POLR1E: variants seen among roughly 807,000 people sequenced by gnomAD.
POLR1E encodes the protein DNA-directed RNA polymerase I subunit RPA49.
POLR1E carries 37 observed loss-of-function variants against 50.9 expected under a neutral mutation model. The ratio of observed to expected loss-of-function variants is 0.73; its 90% confidence interval spans 0.56 to 0.96. The LOEUF is 0.96. Among genes scored for constraint, POLR1E ranks in the 40% least tolerant of loss-of-function variants. The probability of loss-of-function intolerance (pLI) is 0.00; values close to 1 mark genes in which losing one functional copy is unlikely to be tolerated. For synonymous variants in POLR1E, 166 were observed against 191.6 expected (o/e 0.87, Z 1.10); for missense variants, 426 against 518.1 (o/e 0.82, Z 1.73).
chr9:37,499,426 A>G (rs1006468426), intron 9 of POLR1E, among the ~76,000 whole-genome samples: 5 of 152,194 alleles, frequency 3.3e-5, no homozygotes, highest in African/African-American at 1.2e-4. Context: ...AAAAAATCTT[A>G]TGGGACCACT....
At chr9:37,488,076 A>G (rs1820610769) in intron 3 of POLR1E, 137 bp downstream of exon 3, 2 of 780,550 alleles carry the variant, frequency 2.6e-6, no homozygotes, top group East Asian at 5.3e-5. Flanking sequence ...CTGTGTTCCT[A>G]TTAGACCCAG....
Position 37,498,141 on chromosome 9 carries a change from A to G in POLR1E, c.803A>G (p.Glu268Gly). 6.2e-7 allele frequency: 1 copy of G among 1,614,092 alleles called. No homozygotes were observed. Among genetic ancestry groups the G allele is most frequent in the Admixed American group, 1.7e-5 (1 of 60,014 alleles). Reference sequence around the variant, plus strand: ...TTGAAGTCTTTGCCATCAGATGTGGAGAGCCGAGACCGCCAGGCCCGATGC... The same window carrying G: ...TTGAAGTCTTTGCCATCAGATGTGGGGAGCCGAGACCGCCAGGCCCGATGC... ...EALKSLPSDV[E>G]SRDRQARCIW... Residue 268 changes from glutamate (E) to glycine (G), a missense_variant, in exon 9 of 12, where the codon GAG becomes GGG. By Grantham distance (98) the Glu-to-Gly change is moderately conservative. Coordinates refer to ENST00000377798, the MANE Select transcript of POLR1E (RefSeq NM_022490.4).
rs748063637 is a variant in POLR1E at position 37,486,755 on chromosome 9, G to A, written c.129G>A (p.Leu43=). Residue 43 remains leucine (L), a synonymous_variant, in exon 2 of 12, where the codon TTG becomes TTA. Transcript: ENST00000377798. ...LQSPGNMRFT[L]YENKDSTNPR... ...GTCCAGGCAACATGCGCTTTACCTT[G>A]TATGAGAACAAAGATTCCACCAACC... 1 of 1,614,158 alleles carries A rather than the reference G, an allele frequency of 6.2e-7. No homozygotes were observed. Among genetic ancestry groups the A allele is most frequent in the East Asian group, 2.2e-5 (1 of 44,886 alleles).
intron 10 of POLR1E, 108 bp downstream of exon 10, chr9:37,501,029 C>T (rs1368350129): frequency 3.8e-6 from 4 of 1,047,702 alleles, no homozygotes; most frequent in Admixed American, 5.0e-5. Context: ...AGATGCAGTG[C>T]TGAAAAGACT....
intron 2 of POLR1E, 129 bp from the exon 3 acceptor site, chr9:37,487,734 C>G (rs542242413): frequency 1.2e-6 from 1 of 859,760 alleles, no homozygotes; most frequent in African/African-American, 1.7e-5. Flanking sequence ...GATCATCTGC[C>G]AGAGATGAAC....
chr9:37,487,698 A>G (rs1820604144), intron 2 of POLR1E, among the ~76,000 whole-genome samples, 165 bp from the exon 3 acceptor site: 1 of 152,192 alleles, frequency 6.6e-6, no homozygotes, highest in African/African-American at 2.4e-5. Context: ...GGGACACCCC[A>G]TATTCCCTTA....
chr9:37,492,853 C>A, intron 5 of POLR1E, 138 bp downstream of exon 5: 2 of 762,396 alleles, frequency 2.6e-6, no homozygotes, highest in South Asian at 1.6e-5. Flanking sequence ...TTTCTCTGGA[C>A]AATTAGTTTG....
chr9:37,497,074 C>T lies in POLR1E; in HGVS notation c.753-1017C>T, dbSNP rs10973372. Among the ~76,000 whole-genome samples the T allele has an allele frequency of 6.6e-5, 10 of 152,040 alleles. No individual in the cohort carries two copies. In the South Asian group the frequency reaches 1.9e-3, roughly 28 times the overall value. On this transcript the variant is annotated intron_variant, in intron 8 of 11. Transcript: ENST00000377798. ...GCACCAGATACCAAGAAACTTGCCCCGCTGGGCACGGTGGCTCACACCTGT... is the reference window on the plus strand; with the variant it reads ...GCACCAGATACCAAGAAACTTGCCCTGCTGGGCACGGTGGCTCACACCTGT...
intron 4 of POLR1E, 81 bp from the exon 5 acceptor site, chr9:37,492,572 TAGAC>T (rs1820703840): frequency 2.4e-6 from 3 of 1,267,256 alleles, no homozygotes; most frequent in Non-Finnish European, 3.4e-6. Context: ...TATTCTTAGA[TAGAC>T]AAATGAATAT....
At chr9:37,499,632 A>G (rs552011043) in intron 9 of POLR1E, among the ~76,000 whole-genome samples, 13 of 152,068 alleles carry the variant, frequency 8.5e-5, no homozygotes, top group Admixed American at 5.9e-4. Flanking sequence ...CCTGGGTTCA[A>G]GCAATTCTGC....
At chr9:37,489,183 A>G in intron 3 of POLR1E, 132 bp from the exon 4 acceptor site, 1 of 569,078 alleles carries the variant, frequency 1.8e-6, no homozygotes, top group Non-Finnish European at 2.9e-6. Flanking sequence ...GGTTGCAGTG[A>G]GCCGAGATCA....
At chr9:37,489,265 A>G in intron 3 of POLR1E, 50 bp from the exon 4 acceptor site, 1 of 1,397,036 alleles carries the variant, frequency 7.2e-7, no homozygotes, top group Non-Finnish European at 9.9e-7. Flanking sequence ...CTGTACAAAT[A>G]ATGCTTTTGA....
At chr9:37,500,944 T>G (rs751263046) in intron 10 of POLR1E, 23 bp downstream of exon 10, 3 of 1,593,010 alleles carry the variant, frequency 1.9e-6, no homozygotes, top group Non-Finnish European at 2.6e-6. Context: ...TTGCTGGGAT[T>G]TTTCTTGTGC....
intron 9 of POLR1E, 131 bp downstream of exon 9, chr9:37,498,355 A>G: frequency 1.0e-6 from 1 of 999,852 alleles, no homozygotes; most frequent in Non-Finnish European, 1.4e-6. Flanking sequence ...TGTGAGATTC[A>G]TTCTGGTACT....
Position 37,496,002 on chromosome 9 carries a change from C to T in POLR1E, c.752+16C>T. The T allele has an allele frequency of 1.9e-6, 3 of 1,594,144 alleles. No homozygotes were observed. Among genetic ancestry groups the T allele is most frequent in the South Asian group, 1.1e-5 (1 of 90,584 alleles). ...AGGAGAACAGGTACCCTGACTTAAG[C>T]AGATGGGGATTCTGGGGAGTGCTGT... is the stretch of plus-strand genomic sequence containing the variant. On this transcript the variant is annotated intron_variant, in intron 8 of 11. Transcript: ENST00000377798.
At chr9:37,491,043 A>C in intron 4 of POLR1E, 2 of 244,682 alleles carry the variant, frequency 8.2e-6, no homozygotes, top group South Asian at 5.6e-5. Context: ...CGTTGAGGAC[A>C]AGTCTCTACA....
chr9:37,500,510 A>G (rs114813257), intron 9 of POLR1E, among the ~76,000 whole-genome samples: 2,977 of 152,058 alleles, frequency 0.02, 82 homozygotes, highest in African/African-American at 0.068. Flanking sequence ...TCACATTCCA[A>G]TTCCACCTTT....
At position 37,485,999 on chromosome 9, in the gene POLR1E, T is replaced by TG; in HGVS notation, c.-48dup. The TG allele has an allele frequency of 6.4e-7, 1 of 1,572,124 alleles. No homozygotes were observed. The highest frequency in any genetic ancestry group is 8.6e-7 in the Non-Finnish European group (1 of 1,159,696). ...GCTCCCGCGTGTTTAAAAGTGCGCT[T>TG]GTGGCTGCTGCTGTCTTAACTCCTG... On this transcript the variant is annotated 5_prime_UTR_variant, in exon 1 of 12. Transcript: ENST00000377798.
In POLR1E at chr9:37,487,944, T is replaced by C. The variant is rs757385127; in HGVS notation, c.257+5T>C. Reference sequence around the variant, plus strand: ...CAAATGCAACACTTTGTGCAGGTAATGGCAGGGGAAGGGACAGTGGGAAGG... The same window carrying C: ...CAAATGCAACACTTTGTGCAGGTAACGGCAGGGGAAGGGACAGTGGGAAGG... On this transcript the variant is annotated splice_donor_5th_base_variant and intron_variant, in intron 3 of 11. Transcript: ENST00000377798. 3.1e-6 allele frequency: 5 copies of C among 1,613,904 alleles called. No homozygotes were observed. The highest frequency in any genetic ancestry group is 4.2e-6 in the Non-Finnish European group (5 of 1,179,890).
Sources: allele counts gnomAD v4.1 joint callset (sites outside exome capture counted in the v4.1 genomes callset), GRCh38; gene constraint gnomAD v4.1.1; transcripts MANE v1.5; gene names NCBI Gene and HGNC (gene_info 2026-07-23, HGNC 2026-07-21).